SDK1: variants seen among roughly 807,000 people sequenced by gnomAD.
SDK1 encodes sidekick cell adhesion molecule 1, also known as protein sidekick-1.
Under a neutral mutation model 245.5 loss-of-function variants are expected in SDK1, and 157 were observed. That is an observed-to-expected ratio of 0.64 (90% CI 0.56 to 0.73). The LOEUF (loss-of-function observed/expected upper bound fraction) is 0.73, where lower values mean the gene tolerates loss of function less well. Ranked by LOEUF, SDK1 falls within the 30% of genes least tolerant of loss-of-function variation. The pLI, the probability that SDK1 is intolerant of heterozygous loss-of-function variation, is 0.00. For synonymous variants in SDK1, 1,647 were observed against 1,278.5 expected, an observed-to-expected ratio of 1.29 and a Z score of -6.15; for missense variants, 3,583 against 3,002.3, an observed-to-expected ratio of 1.19 and a Z score of -4.52.
chr7:3,632,959 G>A (rs1029296861), intron 2 of SDK1, among the ~76,000 whole-genome samples: 2 of 152,008 alleles, frequency 1.3e-5, no homozygotes, highest in African/African-American at 4.8e-5. Context: ...ATTTCATGTA[G>A]AAAACTTACA....
chr7:3,487,427 G>C (rs903722175), intron 1 of SDK1, among the ~76,000 whole-genome samples: 1 of 151,876 alleles, frequency 6.6e-6, no homozygotes, highest in Non-Finnish European at 1.5e-5. Context: ...GTTTGGGTCA[G>C]GAGGAGGAAA....
chr7:4,262,547 G>C (rs1320759881), intron 44 of SDK1, among the ~76,000 whole-genome samples: 1 of 151,714 alleles, frequency 6.6e-6, no homozygotes, highest in African/African-American at 2.4e-5. Context: ...TGAGGGGCCA[G>C]GCCATTCAGT....
In SDK1 at chr7:3,399,152, T is replaced by A. The variant is rs914528079; in HGVS notation, c.298+97268T>A. ...AGAGATTCTTTTCATTTTTTTTTCA[T>A]AATTTATTCTTTTCCTCAGACCACA... On this transcript the variant is annotated intron_variant, in intron 1 of 44. Transcript: ENST00000404826. Among the ~76,000 whole-genome samples, 6 of 152,006 alleles carry A rather than the reference T, an allele frequency of 3.9e-5. No homozygotes were observed. In the East Asian group the frequency reaches 9.6e-4, roughly 24 times the overall value.
At chr7:4,064,947 A>G (rs1398061374) in intron 19 of SDK1, among the ~76,000 whole-genome samples, 2 of 152,146 alleles carry the variant, frequency 1.3e-5, no homozygotes, top group South Asian at 2.1e-4. Context: ...AGGTTAGTTG[A>G]TGGGCATAAA....
intron 14 of SDK1, among the ~76,000 whole-genome samples, chr7:3,990,899 A>G (rs952756124): frequency 2.1e-4 from 32 of 152,212 alleles, no homozygotes; most frequent in African/African-American, 7.7e-4. Flanking sequence ...CCAGCCAGTT[A>G]GCTTGCCTCC....
intron 4 of SDK1, among the ~76,000 whole-genome samples, chr7:3,712,973 A>C (rs1785092634): frequency 6.6e-6 from 1 of 152,212 alleles, no homozygotes; most frequent in Non-Finnish European, 1.5e-5. Flanking sequence ...TATGCCTGAC[A>C]CCCAGGAATG....
In SDK1 at chr7:3,480,559, A is replaced by C. The variant is rs199858841; in HGVS notation, c.299-138521A>C. Among the ~76,000 whole-genome samples the C allele has an allele frequency of 2.6e-5, 4 of 152,354 alleles. No homozygotes were observed. The East Asian group carries it at 7.7e-4, about 29-fold the overall frequency. ...TGCCCATGGACACTTGCCTCCTTCC[A>C]GCTCCTGCAACCAGAGAGCTTTGTC... On this transcript the variant is annotated intron_variant, in intron 1 of 44. Transcript: ENST00000404826.
chr7:3,826,032 A>G (rs1220965906), intron 5 of SDK1, among the ~76,000 whole-genome samples: 1 of 152,238 alleles, frequency 6.6e-6, no homozygotes, highest in South Asian at 2.1e-4. Context: ...AGTCTATTTT[A>G]TAGTCAAGTC....
At chr7:4,034,906 A>T (rs941476088) in intron 17 of SDK1, among the ~76,000 whole-genome samples, 1 of 152,256 alleles carries the variant, frequency 6.6e-6, no homozygotes, top group Non-Finnish European at 1.5e-5. Flanking sequence ...AATAGAAATC[A>T]GCATTCTCTG....
At chr7:3,971,364 C>A in intron 11 of SDK1, 102 bp from the exon 12 acceptor site, 1 of 759,828 alleles carries the variant, frequency 1.3e-6, no homozygotes, top group Non-Finnish European at 2.3e-6. Context: ...TGAGAGAAAA[C>A]TCGGAGGTTG....
At chr7:3,418,461 T>G (rs1779441672) in intron 1 of SDK1, among the ~76,000 whole-genome samples, 1 of 152,182 alleles carries the variant, frequency 6.6e-6, no homozygotes, top group Non-Finnish European at 1.5e-5. Flanking sequence ...GCCTAGAGGT[T>G]TCTGATCTCT....
At chr7:3,996,196 G>A (rs957632362) in intron 14 of SDK1, among the ~76,000 whole-genome samples, 1 of 151,882 alleles carries the variant, frequency 6.6e-6, no homozygotes, top group Non-Finnish European at 1.5e-5. Context: ...TTTATATTCA[G>A]AGGACCTGTT....
rs1393577014 is a variant in SDK1 at position 4,266,476 on chromosome 7, C to G, written c.*1092C>G. 5 of 985,110 alleles carry G rather than the reference C, an allele frequency of 5.1e-6. No individual in the cohort carries two copies. The highest frequency in any genetic ancestry group is 6.0e-6 in the Non-Finnish European group (5 of 829,774). The allele number at this position is 985,110 out of a possible 1,614,324, so 61.0% of individuals were successfully genotyped here. On this transcript the variant is annotated 3_prime_UTR_variant, in exon 45 of 45. Coordinates refer to ENST00000404826, the MANE Select transcript of SDK1 (RefSeq NM_152744.4). ...TCTGTCCTGGCTTCTGCTGGCTGCTCGCAGCAGCCACCGCTTCTCCACCAC... is the reference window on the plus strand; with the variant it reads ...TCTGTCCTGGCTTCTGCTGGCTGCTGGCAGCAGCCACCGCTTCTCCACCAC...
At chr7:3,958,285 C>T (rs1781419096) in intron 7 of SDK1, 2 of 283,660 alleles carry the variant, frequency 7.1e-6, no homozygotes, top group South Asian at 3.0e-5. Context: ...AAAAATGTTG[C>T]AATTGGCTCT....
intron 7 of SDK1, among the ~76,000 whole-genome samples, chr7:3,956,288 C>T (rs1324398546): frequency 6.6e-6 from 1 of 152,200 alleles, no homozygotes; most frequent in Non-Finnish European, 1.5e-5. Context: ...GTGTTTAACT[C>T]ACGGGCTTTT....
At chr7:3,503,657 A>G (rs1025416037) in intron 1 of SDK1, among the ~76,000 whole-genome samples, 3 of 152,188 alleles carry the variant, frequency 2.0e-5, no homozygotes, top group African/African-American at 7.2e-5. Flanking sequence ...AGCCTGGGTG[A>G]TAGAGCCAGA....
At chr7:3,900,015 C>G (rs910112185) in intron 5 of SDK1, among the ~76,000 whole-genome samples, 2 of 152,246 alleles carry the variant, frequency 1.3e-5, no homozygotes, top group Non-Finnish European at 2.9e-5. Flanking sequence ...ATGTGGAAAG[C>G]TGTAATCGGA....
intron 8 of SDK1, among the ~76,000 whole-genome samples, chr7:3,962,353 C>T (rs886236038): frequency 1.3e-5 from 2 of 152,222 alleles, no homozygotes; most frequent in African/African-American, 4.8e-5. Context: ...GAACCTTAAC[C>T]TGACTCTCAG....
chr7:3,888,178 A>T (rs1781380469), intron 5 of SDK1, among the ~76,000 whole-genome samples: 1 of 152,156 alleles, frequency 6.6e-6, no homozygotes, highest in African/African-American at 2.4e-5. Context: ...GCTGGCACAG[A>T]CTCCATTTGA....
Sources: allele counts gnomAD v4.1 joint callset (sites outside exome capture counted in the v4.1 genomes callset), GRCh38; gene constraint gnomAD v4.1.1; transcripts MANE v1.5; gene names NCBI Gene and HGNC (gene_info 2026-07-23, HGNC 2026-07-21).